The following NETO1 variants were observed in gnomAD, a reference collection of about 807,000 sequenced individuals.
The protein encoded by NETO1 is neuropilin and tolloid like 1.
NETO1 carries 26 observed loss-of-function variants against 61.3 expected under a neutral mutation model. That is an observed-to-expected ratio of 0.42 (90% CI 0.31 to 0.59). The LOEUF (loss-of-function observed/expected upper bound fraction) is 0.59, where lower values mean the gene tolerates loss of function less well. Among genes scored for constraint, NETO1 ranks in the 20% least tolerant of loss-of-function variants. The pLI, the probability that NETO1 is intolerant of heterozygous loss-of-function variation, is 0.12. For synonymous variants in NETO1, 225 were observed against 225.8 expected, an observed-to-expected ratio of 1.00 and a Z score of 0.03; for missense variants, 531 against 662.8, an observed-to-expected ratio of 0.80 and a Z score of 2.18.
intron 4 of NETO1, among the ~76,000 whole-genome samples, chr18:72,842,437 T>G (rs1421762697): frequency 6.6e-6 from 1 of 152,178 alleles, no homozygotes; most frequent in East Asian, 1.9e-4. Context: ...ATGATGATGA[T>G]GATGATGCCA....
intron 4 of NETO1, among the ~76,000 whole-genome samples, chr18:72,847,992 C>T (rs1003952551): frequency 3.3e-5 from 5 of 152,138 alleles, no homozygotes; most frequent in African/African-American, 1.2e-4. Flanking sequence ...GGCTAATGGG[C>T]CTTTCCATAT....
intron 4 of NETO1, among the ~76,000 whole-genome samples, chr18:72,797,116 A>G (rs1456709558): frequency 6.6e-6 from 1 of 152,166 alleles, no homozygotes; most frequent in Non-Finnish European, 1.5e-5. Context: ...ACTATTAAGA[A>G]TAATGCTTAA....
intron 7 of NETO1, among the ~76,000 whole-genome samples, chr18:72,764,668 C>A (rs972678034): frequency 2.0e-5 from 3 of 152,190 alleles, no homozygotes; most frequent in Non-Finnish European, 4.4e-5. Flanking sequence ...TACTTAACGT[C>A]TCCATTTGGA....
At position 72,826,832 on chromosome 18, in the gene NETO1, G is replaced by A. The variant is rs566745242; in HGVS notation, c.469+31994C>T. Among the ~76,000 whole-genome samples the A allele has an allele frequency of 1.3e-4, 20 of 152,234 alleles. No homozygotes were observed. In the South Asian group the frequency reaches 4.1e-3, roughly 32 times the overall value. On this transcript the variant is annotated intron_variant, in intron 4 of 10. Transcript: ENST00000327305. ...TGGGCCCTATTGTGCCACAGCTGACGAACCCTGGGGAAGCCTCCGATCCTA... is the reference window on the plus strand; with the variant it reads ...TGGGCCCTATTGTGCCACAGCTGACAAACCCTGGGGAAGCCTCCGATCCTA...
downstream of NETO1, chr18:72,742,807 C>A (rs1184786412): frequency 1.3e-5 from 2 of 152,088 alleles, no homozygotes; most frequent in Non-Finnish European, 2.9e-5. Flanking sequence ...ATTAATTAGT[C>A]ATAGAATTGC....
intron 7 of NETO1, among the ~76,000 whole-genome samples, chr18:72,779,866 GTCCGAGA>G (rs1229800889): frequency 6.6e-6 from 1 of 152,184 alleles, no homozygotes; most frequent in African/African-American, 2.4e-5. Flanking sequence ...ATGTTAGGAA[GTCCGAGA>G]TCAAGGTGCT....
At chr18:72,743,457 T>C (rs2070371751), downstream of NETO1, among the ~76,000 whole-genome samples, 1 of 152,184 alleles carries the variant, frequency 6.6e-6, no homozygotes, top group African/African-American at 2.4e-5. Context: ...GAATTAACAT[T>C]TGAATTTATT....
intron 4 of NETO1, among the ~76,000 whole-genome samples, chr18:72,852,059 G>T (rs140226126): frequency 7.9e-5 from 12 of 152,118 alleles, no homozygotes; most frequent in African/African-American, 2.4e-4. Flanking sequence ...ATATATCTAG[G>T]ACCCCATGTG....
rs556538660 is a variant in NETO1, at chr18:72,865,167, C to T, written c.82+21G>A. 3 of 1,607,124 alleles carry T rather than the reference C, an allele frequency of 1.9e-6. No individual in the cohort carries two copies. In the Admixed American group the frequency reaches 5.1e-5, roughly 27 times the overall value. On this transcript the variant is annotated intron_variant, in intron 2 of 10. Transcript: ENST00000327305. Reference sequence around the variant, plus strand: ...AAAATAATTCGAGGTCTTCCACTAGCATTTTTCTAAGTAAACACACCTGTT... The same window carrying T: ...AAAATAATTCGAGGTCTTCCACTAGTATTTTTCTAAGTAAACACACCTGTT...
At chr18:72,834,690 A>C in intron 4 of NETO1, 1 of 985,124 alleles carries the variant, frequency 1.0e-6, no homozygotes, top group Non-Finnish European at 1.2e-6. Context: ...TTCTCTCGGA[A>C]TGGGCGAATA....
intron 4 of NETO1, among the ~76,000 whole-genome samples, chr18:72,811,905 G>A (rs958321100): frequency 2.0e-5 from 3 of 152,160 alleles, no homozygotes; most frequent in South Asian, 2.1e-4. Context: ...TCTCTGTCTC[G>A]TTTACATCCA....
At chr18:72,836,495 C>T (rs937985123) in intron 4 of NETO1, among the ~76,000 whole-genome samples, 5 of 152,200 alleles carry the variant, frequency 3.3e-5, no homozygotes, top group South Asian at 4.1e-4. Context: ...GGATATTCAC[C>T]GTGTTCCCAG....
At chr18:72,749,443 T>C (rs950615696) in intron 9 of NETO1, among the ~76,000 whole-genome samples, 18 of 152,166 alleles carry the variant, frequency 1.2e-4, no homozygotes, top group Non-Finnish European at 2.9e-5. Flanking sequence ...GCATTTATAG[T>C]TGAAGGAAAA....
intron 4 of NETO1, among the ~76,000 whole-genome samples, chr18:72,839,129 CAATTTTTTT>C (rs2073845031): frequency 6.6e-6 from 1 of 152,006 alleles, no homozygotes; most frequent in South Asian, 2.1e-4. Context: ...AATAAATGAT[CAATTTTTTT>C]ATCCCAAGGC....
chr18:72,819,673 TCTC>T (rs1599069820), intron 4 of NETO1, among the ~76,000 whole-genome samples: 1 of 152,282 alleles, frequency 6.6e-6, no homozygotes, highest in African/African-American at 2.4e-5. Flanking sequence ...TTAAAATTCT[TCTC>T]CTGAAATTTG....
At chr18:72,776,899 A>C (rs2071566364) in intron 7 of NETO1, among the ~76,000 whole-genome samples, 1 of 152,214 alleles carries the variant, frequency 6.6e-6, no homozygotes, top group Non-Finnish European at 1.5e-5. Context: ...TTTCAGTGTC[A>C]ATTTAAAACT....
intron 4 of NETO1, among the ~76,000 whole-genome samples, chr18:72,807,292 C>T (rs577582785): frequency 6.6e-6 from 1 of 152,246 alleles, no homozygotes; most frequent in East Asian, 1.9e-4. Flanking sequence ...TCTAGTTTAA[C>T]ATAAATTTTA....
chr18:72,828,053 C>A (rs910472245), intron 4 of NETO1, among the ~76,000 whole-genome samples: 1 of 152,210 alleles, frequency 6.6e-6, no homozygotes, highest in African/African-American at 2.4e-5. Context: ...TGGCTCACGC[C>A]TGTAATCCCA....
Position 72,834,343 on chromosome 18 carries a change from A to C in NETO1, c.469+24483T>G, listed in dbSNP as rs1312183942. 5.5e-6 allele frequency: 5 copies of C among 906,442 alleles called. No individual in the cohort carries two copies. In the African/African-American group the frequency reaches 9.0e-5, roughly 16 times the overall value. 56.1% of individuals were successfully genotyped at this position (906,442 alleles called of 1,614,324 possible). On this transcript the variant is annotated intron_variant, in intron 4 of 10. Transcript: ENST00000327305. ...TTTAACCAGTTACTTTTTAGAAAGA[A>C]AGGAAAAGAGACATTAAATAGGTAA...
Sources: allele counts gnomAD v4.1 joint callset (sites outside exome capture counted in the v4.1 genomes callset), GRCh38; gene constraint gnomAD v4.1.1; transcripts MANE v1.5; gene names NCBI Gene and HGNC (gene_info 2026-07-23, HGNC 2026-07-21).